MTRES1: variants seen among roughly 807,000 people sequenced by gnomAD.
MTRES1 encodes mitochondrial transcription rescue factor 1, also known as uncharacterized protein C6orf203.
A neutral mutation model predicts 17.4 loss-of-function variants in MTRES1; 11 were observed. The observed-to-expected ratio is 0.63, with a 90% CI of 0.40 to 1.05. The LOEUF is 1.05. Ranked by LOEUF, MTRES1 falls within the 50% of genes least tolerant of loss-of-function variation. The pLI is 0.00. For missense variants in MTRES1, 268 were observed against 276.2 expected, an observed-to-expected ratio of 0.97 and a Z score of 0.21; for synonymous variants, 94 against 99.6, an observed-to-expected ratio of 0.94 and a Z score of 0.34.
chr6:107,039,408 C>G (rs1460087951), intron 1 of MTRES1, among the ~76,000 whole-genome samples: 1 of 152,028 alleles, frequency 6.6e-6, no homozygotes, highest in Non-Finnish European at 1.5e-5. Context: ...CAACCTCTGC[C>G]TCCTGGGTTC....
chr6:107,050,509 T>C (rs1774555489), intron 3 of MTRES1, among the ~76,000 whole-genome samples: 1 of 147,650 alleles, frequency 6.8e-6, no homozygotes, highest in Admixed American at 6.8e-5. Context: ...GGAAGGACAC[T>C]GGCTGATATT....
chr6:107,033,789 G>C (rs540000311), intron 1 of MTRES1, among the ~76,000 whole-genome samples: 1 of 152,208 alleles, frequency 6.6e-6, no homozygotes, highest in East Asian at 1.9e-4. Flanking sequence ...ATGCACTCCA[G>C]CCTGGGCGAC....
chr6:107,050,535 G>A (rs1054296827), intron 3 of MTRES1, among the ~76,000 whole-genome samples: 2 of 129,218 alleles, frequency 1.5e-5, no homozygotes, highest in Non-Finnish European at 3.2e-5. Flanking sequence ...CCTTGTATTT[G>A]AGGCACTCTC....
intron 1 of MTRES1, among the ~76,000 whole-genome samples, chr6:107,034,165 A>G (rs59516692): frequency 1.2e-3 from 190 of 152,344 alleles, no homozygotes; most frequent in African/African-American, 4.4e-3. Flanking sequence ...GGTAGCAGAG[A>G]GCCACATCAT....
rs782391904 is a variant in MTRES1 at position 107,044,285 on chromosome 6, G to A, written c.496G>A (p.Gly166Ser). ...RNKVEDAFYK[G>S]ELRLNEEKLW... is the part of the protein sequence containing the mutation. ...CAAAGTGGAAGATGCTTTCTACAAA[G>A]GTGAACTCAGGCTGAATGAGGAAAA... Residue 166 changes from glycine (G) to serine (S), a missense_variant, in exon 3 of 4, where the codon GGT becomes AGT. Physicochemically the swap from Gly to Ser is moderately conservative, Grantham distance 56. Coordinates refer to ENST00000311381, the MANE Select transcript of MTRES1 (RefSeq NM_016487.5). 5.4e-5 allele frequency: 87 copies of A among 1,613,924 alleles called. 1 individual carries two copies. The South Asian group carries it at 8.1e-4, about 15-fold the overall frequency.
chr6:107,030,835 G>A (rs1762697), intron 1 of MTRES1, among the ~76,000 whole-genome samples: 143,502 of 152,208 alleles, frequency 0.94, 67,878 homozygotes, highest in East Asian at 1. Flanking sequence ...AAGGATAGCA[G>A]TCTCAGGCCT....
At chr6:107,046,723 C>A (rs1554228413) in intron 3 of MTRES1, among the ~76,000 whole-genome samples, 1 of 152,080 alleles carries the variant, frequency 6.6e-6, no homozygotes, top group East Asian at 1.9e-4. Flanking sequence ...TGGCTGTCTG[C>A]GATTCAGCAA....
chr6:107,044,172 CGTGGATAT>C, intron 2 of MTRES1, 80 bp from the exon 3 acceptor site: 1 of 851,840 alleles, frequency 1.2e-6, no homozygotes, highest in Non-Finnish European at 1.9e-6. Context: ...AGTTTTGTTA[CGTGGATAT>C]ACTGTATAGT....
In MTRES1 at chr6:107,051,440, T is replaced by G; in HGVS notation, c.*204T>G. 5.1e-6 allele frequency: 2 copies of G among 394,154 alleles called. No individual in the cohort carries two copies. The highest frequency in any genetic ancestry group is 1.1e-3 in the Middle Eastern group (2 of 1,828). 24.4% of individuals were successfully genotyped at this position (394,154 alleles called of 1,614,324 possible). On this transcript the variant is annotated 3_prime_UTR_variant, in exon 4 of 4. Transcript: ENST00000311381. Reference sequence around the variant, plus strand: ...CCCTGCCCACCTTGATCCATGCTCCTTTGACCTCCTCGTGTGAGAACCCCT... The same window carrying G: ...CCCTGCCCACCTTGATCCATGCTCCGTTGACCTCCTCGTGTGAGAACCCCT...
Position 107,040,244 on chromosome 6 carries a change from G to A in MTRES1, c.470+14G>A, listed in dbSNP as rs376656015. On this transcript the variant is annotated intron_variant, in intron 2 of 3. Transcript: ENST00000311381. ...TATTGGGAGAAAGTGAGTATGATAC[G>A]CATTTCATTATAAACTCGCTCGTAG... 7 of 1,564,344 alleles carry A rather than the reference G, an allele frequency of 4.5e-6. No individual in the cohort carries two copies. The African/African-American group carries it at 9.7e-5, about 22-fold the overall frequency.
chr6:107,036,041 G>A (rs938429396), intron 1 of MTRES1, among the ~76,000 whole-genome samples: 3 of 151,886 alleles, frequency 2.0e-5, no homozygotes, highest in Non-Finnish European at 4.4e-5. Context: ...ATTGCATATA[G>A]GGGGTATACT....
chr6:107,048,490 T>C (rs528999976), intron 3 of MTRES1, among the ~76,000 whole-genome samples: 123 of 151,544 alleles, frequency 8.1e-4, no homozygotes, highest in Admixed American at 1.8e-3. Flanking sequence ...TTTTAAAAAA[T>C]TGAACCCAGG....
intron 3 of MTRES1, among the ~76,000 whole-genome samples, chr6:107,047,347 C>T (rs1170413528): frequency 4.6e-5 from 7 of 151,920 alleles, no homozygotes; most frequent in East Asian, 2.0e-4. Flanking sequence ...CTCAGCCTCC[C>T]GAGTAGCTGG....
chr6:107,033,643 C>A (rs1167526285), intron 1 of MTRES1, among the ~76,000 whole-genome samples: 1 of 151,970 alleles, frequency 6.6e-6, no homozygotes, highest in Non-Finnish European at 1.5e-5. Flanking sequence ...ATGGTGAAAC[C>A]CCGTCTCTAC....
At chr6:107,030,349 T>C (rs1413605425) in intron 1 of MTRES1, among the ~76,000 whole-genome samples, 1 of 152,178 alleles carries the variant, frequency 6.6e-6, no homozygotes, top group Admixed American at 6.5e-5. Context: ...TAGGCAGCTA[T>C]TGTGTTGCAG....
At position 107,039,836 on chromosome 6, in the gene MTRES1, C is replaced by T. The variant is rs782692010; in HGVS notation, c.76C>T (p.Leu26Phe). The change falls in exon 2 of 4, where the codon CTC becomes TTC. Residue 26 changes from leucine to phenylalanine, a missense_variant. By Grantham distance (22) the Leu-to-Phe change is conservative. Coordinates refer to ENST00000311381, the MANE Select transcript of MTRES1 (RefSeq NM_016487.5). ...PDAWIGLWGV[L>F]RGTPSSYKLC... is the part of the protein sequence containing the mutation. The stretch of plus-strand genomic sequence containing the variant: ...TGCCTGGATTGGACTCTGGGGTGTT[C>T]TCCGAGGGACACCTTCATCATACAA... 4.3e-6 allele frequency: 7 copies of T among 1,613,984 alleles called. No individual in the cohort carries two copies. In the South Asian group the frequency reaches 7.7e-5, roughly 18 times the overall value.
chr6:107,031,406 AAAAG>A (rs1479908809), intron 1 of MTRES1, among the ~76,000 whole-genome samples: 3 of 148,732 alleles, frequency 2.0e-5, no homozygotes, highest in East Asian at 4.0e-4. Flanking sequence ...AAAAGAAAAA[AAAAG>A]AAAAAAGGAG....
chr6:107,040,334 T>C, intron 2 of MTRES1, 104 bp downstream of exon 2: 1 of 1,005,442 alleles, frequency 9.9e-7, no homozygotes, highest in Non-Finnish European at 1.4e-6. Context: ...ATAACCACAA[T>C]AAAAGGACCT....
Position 107,040,220 on chromosome 6 carries a change from A to G in MTRES1, c.460A>G (p.Ile154Val). ...YDVVLKTGLD[I>V]GRNKVEDAFY... ...TGTTGTCCTGAAGACGGGGCTAGAT[A>G]TTGGGAGAAAGTGAGTATGATACGC... The change falls in exon 2 of 4, where the codon ATT becomes GTT. Residue 154 changes from isoleucine (I) to valine (V), a missense_variant. Coordinates refer to ENST00000311381, the MANE Select transcript of MTRES1 (RefSeq NM_016487.5). The G allele has an allele frequency of 1.3e-6, 2 of 1,588,460 alleles. No homozygotes were observed. The highest frequency in any genetic ancestry group is 1.7e-6 in the Non-Finnish European group (2 of 1,172,112).
Sources: gnomAD v4.1 joint callset for allele counts (sites outside exome capture counted in the v4.1 genomes callset) on GRCh38, gnomAD v4.1.1 for gene constraint, MANE v1.5 for transcripts, NCBI Gene and HGNC (gene_info 2026-07-23, HGNC 2026-07-21) for gene names.